The following RHOQ variants were observed in gnomAD, a reference collection of about 807,000 sequenced individuals.
The protein encoded by RHOQ is ras homolog family member Q, also known as rho-related GTP-binding protein RhoQ.
RHOQ carries 7 observed loss-of-function variants against 25.8 expected under a neutral mutation model. The observed-to-expected ratio is 0.27, with a 90% CI of 0.15 to 0.51. RHOQ has a LOEUF of 0.51. RHOQ is among the 20% of genes least tolerant of loss of function. The pLI is 0.97. For synonymous variants in RHOQ, 97 were observed against 98.6 expected (o/e 0.98, Z 0.10); for missense variants, 165 against 260.6 (o/e 0.63, Z 2.53).
rs1669147435 is a variant in RHOQ, at chr2:46,576,916, T to C, written c.462+260T>C. On this transcript the variant is annotated intron_variant, in intron 4 of 4. Coordinates refer to ENST00000238738, the MANE Select transcript of RHOQ (RefSeq NM_012249.4). This position sits in a 1 kb window ranked among gnomAD's most constrained non-coding sequence, Gnocchi z 5.1. Reference sequence around the variant, plus strand: ...CAGAGTTGGGTTTCAGTCCAAAGCCTGACTCCTGGGCCGAGACTCTTACAC... The same window carrying C: ...CAGAGTTGGGTTTCAGTCCAAAGCCCGACTCCTGGGCCGAGACTCTTACAC... The C allele has an allele frequency of 3.1e-6, 1 of 320,452 alleles. No homozygotes were observed. The highest frequency in any genetic ancestry group is 4.9e-5 in the Admixed American group (1 of 20,520). The allele number at this position is 320,452 out of a possible 1,614,324, so 19.9% of individuals were successfully genotyped here.
At position 46,569,024 on chromosome 2, in the gene RHOQ, G is replaced by C. The variant is rs554354211; in HGVS notation, c.202-7063G>C. ...TTAGTGCAAGAGACTTGTAATTATA[G>C]CTCCAGACAATATGGAATTTCAGCT... On this transcript the variant is annotated intron_variant, in intron 2 of 4. Transcript: ENST00000238738. This position sits in a 1 kb window ranked among gnomAD's most constrained non-coding sequence, Gnocchi z 4.1. The C allele has an allele frequency of 6.6e-6, 1 of 152,214 alleles. No individual in the cohort carries two copies. The highest frequency in any genetic ancestry group is 1.5e-5 in the Non-Finnish European group (1 of 68,038). 9.4% of individuals were successfully genotyped at this position (152,214 alleles called of 1,614,324 possible).
chr2:46,547,047 G>T (rs1340388530), intron 2 of RHOQ, among the ~76,000 whole-genome samples: 1 of 152,206 alleles, frequency 6.6e-6, no homozygotes, highest in Non-Finnish European at 1.5e-5. Flanking sequence ...TATCCCCATT[G>T]ATAGAAGAGA....
intron 2 of RHOQ, among the ~76,000 whole-genome samples, chr2:46,547,882 C>G (rs1668120252): frequency 6.6e-6 from 1 of 152,228 alleles, no homozygotes; most frequent in South Asian, 2.1e-4. Flanking sequence ...CAGTGGGGAG[C>G]TGCCTGGCAA....
intron 2 of RHOQ, among the ~76,000 whole-genome samples, chr2:46,559,963 AAGCCT>A (rs1356551482): frequency 6.6e-6 from 1 of 152,178 alleles, no homozygotes; most frequent in Non-Finnish European, 1.5e-5. Flanking sequence ...CCCATTCGGG[AAGCCT>A]AGTTCTGCCC....
intron 2 of RHOQ, among the ~76,000 whole-genome samples, chr2:46,565,761 T>A (rs1416227911): frequency 6.6e-6 from 1 of 152,242 alleles, no homozygotes; most frequent in East Asian, 1.9e-4. Context: ...TCAGCGGGAA[T>A]GTAATAAGCT....
At chr2:46,553,856 C>T (rs999563883) in intron 2 of RHOQ, among the ~76,000 whole-genome samples, 1 of 152,138 alleles carries the variant, frequency 6.6e-6, no homozygotes, top group African/African-American at 2.4e-5. Context: ...GGATTACAGG[C>T]GTGAGCCACC....
At chr2:46,580,779 A>C in intron 4 of RHOQ, 149 bp from the exon 5 acceptor site, 1 of 529,820 alleles carries the variant, frequency 1.9e-6, no homozygotes, top group Non-Finnish European at 3.2e-6. Context: ...TAGTATTTTA[A>C]AATCCCCTCT....
At chr2:46,551,919 G>T (rs1364441782) in intron 2 of RHOQ, among the ~76,000 whole-genome samples, 1 of 152,188 alleles carries the variant, frequency 6.6e-6, no homozygotes, top group African/African-American at 2.4e-5. Context: ...CAGATCTGGG[G>T]AGGTTAAATG....
intron 1 of RHOQ, 167 bp from the exon 2 acceptor site, chr2:46,543,587 C>T (rs982610995): frequency 1.5e-6 from 1 of 652,492 alleles, no homozygotes; most frequent in Non-Finnish European, 2.8e-6. Flanking sequence ...GGCCCTTTGC[C>T]GGTTCACAGT....
intron 2 of RHOQ, among the ~76,000 whole-genome samples, chr2:46,550,917 C>G (rs1212142067): frequency 1.3e-5 from 2 of 152,136 alleles, no homozygotes; most frequent in Non-Finnish European, 2.9e-5. Context: ...CACTACACAA[C>G]TGGGCAAGTT....
rs1443127040 is a variant in RHOQ, at chr2:46,542,705, G to A, written c.-342G>A. 6.8e-6 allele frequency: 1 copy of A among 146,810 alleles called. No individual in the cohort carries two copies. The highest frequency in any genetic ancestry group is 1.5e-5 in the Non-Finnish European group (1 of 65,928). The allele number at this position is 146,810 out of a possible 1,614,324, so 9.1% of individuals were successfully genotyped here. A position where few individuals can be genotyped will look rare whatever the true frequency, so the allele number is the denominator to read the frequency against. On this transcript the variant is annotated 5_prime_UTR_variant, in exon 1 of 5. Coordinates refer to ENST00000238738, the MANE Select transcript of RHOQ (RefSeq NM_012249.4). ...CCTCCCCTCCGCCGCCCTCCCCAAA[G>A]TTGCCGTCTCCCCCGGGGCCGGCCG...
intron 2 of RHOQ, among the ~76,000 whole-genome samples, chr2:46,554,119 GTGT>G (rs1162038589): frequency 2.6e-5 from 3 of 114,706 alleles, no homozygotes; most frequent in African/African-American, 8.2e-5. Flanking sequence ...TTGTGTGTGT[GTGT>G]TTTTTTTTTT....
chr2:46,572,107 G>GTGTTT lies in RHOQ; in HGVS notation c.202-3979_202-3978insGTTTT, dbSNP rs1553422127. Among the ~76,000 whole-genome samples the GTGTTT allele has an allele frequency of 1.9e-3, 129 of 66,260 alleles. 8 individuals carry two copies. The highest frequency in any genetic ancestry group is 5.3e-3 in the African/African-American group (63 of 11,970). 43.5% of individuals were successfully genotyped at this position (66,260 alleles called of 152,430 possible). A position where few individuals can be genotyped will look rare whatever the true frequency, so the allele number is the denominator to read the frequency against. On this transcript the variant is annotated intron_variant, in intron 2 of 4. Transcript: ENST00000238738. ...GATTCTTATCAGGTGGTAAGTGTGTGTTTTTTTTTTTTTTTTTTTTTTTTT... is the reference window on the plus strand; with the variant it reads ...GATTCTTATCAGGTGGTAAGTGTGTGTGTTTTTTTTTTTTTTTTTTTTTTTTTTTT...
intron 2 of RHOQ, among the ~76,000 whole-genome samples, chr2:46,575,554 G>A (rs1669088465): frequency 6.6e-6 from 1 of 152,064 alleles, no homozygotes; most frequent in Admixed American, 6.6e-5. Flanking sequence ...TTGAATCTCA[G>A]CTCCTTGACT....
intron 2 of RHOQ, among the ~76,000 whole-genome samples, chr2:46,561,160 GATATATATGTGTGTGTAT>G (rs1668566417): frequency 6.6e-6 from 1 of 151,208 alleles, no homozygotes; most frequent in African/African-American, 2.4e-5. Flanking sequence ...ATACACCTTT[GATATATATGTGTGTGTAT>G]ATATATATGT....
intron 2 of RHOQ, among the ~76,000 whole-genome samples, chr2:46,546,512 GTATATACATATATA>G (rs1668072156): frequency 2.7e-4 from 5 of 18,756 alleles, no homozygotes; most frequent in African/African-American, 9.5e-4. Context: ...ATATATATAT[GTATATACATATATA>G]TATATACACA....
At chr2:46,545,794 G>A (rs923886507) in intron 2 of RHOQ, among the ~76,000 whole-genome samples, 1 of 152,192 alleles carries the variant, frequency 6.6e-6, no homozygotes, top group African/African-American at 2.4e-5. Context: ...TTCTCTGAGT[G>A]GGTGTTGGAT....
chr2:46,567,252 G>A (rs189612148), intron 2 of RHOQ, among the ~76,000 whole-genome samples: 1 of 152,262 alleles, frequency 6.6e-6, no homozygotes, highest in Admixed American at 6.5e-5. Context: ...TAGGTAAAAT[G>A]ACCACGAATG....
chr2:46,554,487 G>C lies in RHOQ; in HGVS notation c.201+10675G>C, dbSNP rs77987497. On this transcript the variant is annotated intron_variant, in intron 2 of 4. Transcript: ENST00000238738. ...AGACAGGACGCCTGGACAGGGCTCT[G>C]TTCATTGTGGCTGAGGTTAGCACTC... Among the ~76,000 whole-genome samples the C allele has an allele frequency of 2.4e-3, 363 of 152,302 alleles. 8 individuals are homozygous for C. The South Asian group carries it at 0.041, about 17-fold the overall frequency.
Sources: gnomAD v4.1 joint callset for allele counts (sites outside exome capture counted in the v4.1 genomes callset) on GRCh38, gnomAD v4.1.1 for gene constraint, Gnocchi (gnomAD v3.1) non-coding constraint, MANE v1.5 for transcripts, NCBI Gene and HGNC (gene_info 2026-07-23, HGNC 2026-07-21) for gene names.